SLC45A4: variants seen among roughly 807,000 people sequenced by gnomAD.
SLC45A4 encodes the protein polyamine-transporter SLC45A4.
Under a neutral mutation model 63.7 loss-of-function variants are expected in SLC45A4, and 32 were observed. That is an observed-to-expected ratio of 0.50 (90% CI 0.38 to 0.67). The LOEUF (loss-of-function observed/expected upper bound fraction) is 0.67, where lower values mean the gene tolerates loss of function less well. SLC45A4 is among the 30% of genes least tolerant of loss of function. The probability of loss-of-function intolerance (pLI) is 0.00; values close to 1 mark genes in which losing one functional copy is unlikely to be tolerated. For synonymous variants in SLC45A4, 535 were observed against 510.0 expected, an observed-to-expected ratio of 1.05 and a Z score of -0.66; for missense variants, 1,027 against 1,157.7, an observed-to-expected ratio of 0.89 and a Z score of 1.64.
At chr8:141,237,947 A>C (rs1240517934) in intron 2 of SLC45A4, among the ~76,000 whole-genome samples, 1 of 152,254 alleles carries the variant, frequency 6.6e-6, no homozygotes, top group Non-Finnish European at 1.5e-5. Context: ...ATTGTTTAAA[A>C]AATACAATGA....
chr8:141,277,940 C>T (rs1407546919), intron 1 of SLC45A4, among the ~76,000 whole-genome samples: 2 of 152,192 alleles, frequency 1.3e-5, no homozygotes, highest in Non-Finnish European at 2.9e-5. Context: ...TAAGGTCTCA[C>T]CATGTGGTCC....
intron 2 of SLC45A4, among the ~76,000 whole-genome samples, chr8:141,236,160 G>A (rs908871612): frequency 5.3e-5 from 8 of 152,114 alleles, no homozygotes; most frequent in Non-Finnish European, 8.8e-5. Context: ...CCCTGCCTGC[G>A]TAGAGCCTGC....
chr8:141,241,816 A>G (rs1210398862), intron 2 of SLC45A4, among the ~76,000 whole-genome samples: 1 of 152,126 alleles, frequency 6.6e-6, no homozygotes, highest in Non-Finnish European at 1.5e-5. Context: ...TCTGCTCTAG[A>G]GCGCCTTCAG....
At chr8:141,226,090 C>A (rs34066084) in intron 2 of SLC45A4, 19,021 of 152,368 alleles carry the variant, frequency 0.12, 1,533 homozygotes, top group East Asian at 0.18. Flanking sequence ...TGCCTGGAAG[C>A]CTTGGACCGT....
chr8:141,299,229 C>G (rs1021131126), intron 1 of SLC45A4, among the ~76,000 whole-genome samples: 8 of 152,228 alleles, frequency 5.3e-5, no homozygotes, highest in Non-Finnish European at 8.8e-5. Flanking sequence ...TATAAACTCT[C>G]CCTGCACCCC....
Position 141,215,948 on chromosome 8 carries a change from G to C in SLC45A4, c.1752C>G (p.Asp584Glu), listed in dbSNP as rs1358914521. Residue 584 changes from aspartate (D) to glutamate (E), a missense_variant, in exon 7 of 9, where the codon GAC (aspartate) becomes GAG (glutamate). Asp to Glu is a conservative substitution (Grantham distance 45). Transcript: ENST00000517878. This position sits in a 1 kb window ranked among gnomAD's most constrained non-coding sequence, Gnocchi z 4.3. The stretch of plus-strand genomic sequence containing the variant: ...TCACCCTGACGCTCAGGTCGTAGTT[G>C]TCCAAGTACTTCTGTAACAGGGCTG... ...ICSALLQKYL[D>E]NYDLSVRVIY... 9 of 1,613,748 alleles carry C rather than the reference G, an allele frequency of 5.6e-6. No homozygotes were observed. In the Admixed American group the frequency reaches 1.0e-4, roughly 18 times the overall value.
At chr8:141,272,626 G>A (rs938525495) in intron 1 of SLC45A4, among the ~76,000 whole-genome samples, 2 of 152,152 alleles carry the variant, frequency 1.3e-5, no homozygotes, top group Non-Finnish European at 2.9e-5. Flanking sequence ...CCCAACCACG[G>A]GGCCCTTGCC....
intron 1 of SLC45A4, among the ~76,000 whole-genome samples, chr8:141,296,342 A>G (rs562570608): frequency 1.3e-5 from 2 of 152,096 alleles, no homozygotes; most frequent in East Asian, 3.9e-4. Flanking sequence ...TTCAAAAAAC[A>G]GTAATAAATT....
At chr8:141,265,102 C>T (rs1829209030) in intron 1 of SLC45A4, among the ~76,000 whole-genome samples, 1 of 152,248 alleles carries the variant, frequency 6.6e-6, no homozygotes, top group African/African-American at 2.4e-5. Flanking sequence ...ATATGCATAG[C>T]TGCCAACTTA....
intron 2 of SLC45A4, among the ~76,000 whole-genome samples, chr8:141,242,527 C>T (rs186815603): frequency 1.8e-4 from 28 of 152,276 alleles, no homozygotes; most frequent in African/African-American, 5.8e-4. Flanking sequence ...TTATCAAGAA[C>T]GGGCGAGACA....
At chr8:141,275,603 CT>C (rs1369083499) in intron 1 of SLC45A4, among the ~76,000 whole-genome samples, 7 of 150,462 alleles carry the variant, frequency 4.7e-5, no homozygotes, top group African/African-American at 1.5e-4. Context: ...AGTGAGACCC[CT>C]GTCTCAAAAA....
intron 1 of SLC45A4, among the ~76,000 whole-genome samples, chr8:141,294,723 G>C: frequency 6.6e-6 from 1 of 152,354 alleles, no homozygotes; most frequent in South Asian, 2.1e-4. Flanking sequence ...TGTGAAGACA[G>C]AGGGCAGCAC....
chr8:141,270,378 T>TAA (rs11344722), intron 1 of SLC45A4, among the ~76,000 whole-genome samples: 7 of 140,950 alleles, frequency 5.0e-5, no homozygotes, highest in African/African-American at 1.8e-4. Flanking sequence ...ATAAATACAT[T>TAA]AAAAAAAAAA....
intron 1 of SLC45A4, among the ~76,000 whole-genome samples, chr8:141,291,690 TAAAAC>T (rs1830352791): frequency 6.6e-6 from 1 of 152,256 alleles, no homozygotes; most frequent in South Asian, 2.1e-4. Context: ...ATCTGTCAAA[TAAAAC>T]AAATCAGGCG....
chr8:141,228,340 C>G, intron 2 of SLC45A4: 5 of 1,587,846 alleles, frequency 3.1e-6, no homozygotes, highest in Non-Finnish European at 4.3e-6. Flanking sequence ...TTCTCCTCTT[C>G]AACAAGGAGG....
chr8:141,218,503 A>T lies in SLC45A4; in HGVS notation c.1137T>A (p.Asn379Lys). 6.2e-7 allele frequency: 1 copy of T among 1,613,456 alleles called. No individual in the cohort carries two copies. Among genetic ancestry groups the T allele is most frequent in the Non-Finnish European group, 8.5e-7 (1 of 1,179,938 alleles). The part of the protein sequence containing the change: ...EDETLLDNHL[N>K]EAKVPNGSGS... ...CACTTCCGTTTGGGACTTTAGCTTC[A>T]TTCAAGTGATTATCCAGCAAGGTCT... Residue 379 changes from asparagine to lysine, a missense_variant, in exon 5 of 9, where the codon AAT becomes AAA. Transcript: ENST00000517878.
At chr8:141,282,543 G>A (rs374844129) in intron 1 of SLC45A4, among the ~76,000 whole-genome samples, 3 of 152,222 alleles carry the variant, frequency 2.0e-5, no homozygotes, top group African/African-American at 7.2e-5. Flanking sequence ...CACCACTCAG[G>A]GCGCGCTGCG....
chr8:141,219,939 C>T, intron 3 of SLC45A4, 110 bp from the exon 4 acceptor site: 1 of 1,053,692 alleles, frequency 9.5e-7, no homozygotes, highest in Non-Finnish European at 1.3e-6. Flanking sequence ...GGCCACAAAA[C>T]CATGCCAGCC....
chr8:141,283,293 G>C (rs1238185568), intron 1 of SLC45A4, among the ~76,000 whole-genome samples: 2 of 152,304 alleles, frequency 1.3e-5, no homozygotes, highest in East Asian at 3.9e-4. Flanking sequence ...AGATGAGCAG[G>C]TGGCGCTCAG....
Sources: allele counts gnomAD v4.1 joint callset (sites outside exome capture counted in the v4.1 genomes callset), GRCh38; gene constraint gnomAD v4.1.1; non-coding constraint Gnocchi (gnomAD v3.1); transcripts MANE v1.5; gene names NCBI Gene and HGNC (gene_info 2026-07-23, HGNC 2026-07-21).